The following GCC1 variants were observed in gnomAD, a reference collection of about 807,000 sequenced individuals.
The protein encoded by GCC1 is GRIP and coiled-coil domain containing 1.
Under a neutral mutation model 62.5 loss-of-function variants are expected in GCC1, and 36 were observed. That is an observed-to-expected ratio of 0.58 (90% confidence interval 0.44 to 0.76). The LOEUF (loss-of-function observed/expected upper bound fraction) is 0.76, where lower values mean the gene tolerates loss of function less well. Ranked by LOEUF, GCC1 falls within the 30% of genes least tolerant of loss-of-function variation. GCC1 has a pLI of 0.00. For synonymous variants in GCC1, 391 were observed against 386.8 expected (o/e 1.01, Z -0.13); for missense variants, 885 against 948.3 (o/e 0.93, Z 0.88).
chr7:127,584,211 C>T lies in GCC1; in HGVS notation c.972G>A (p.Gln324=), dbSNP rs201226563. Residue 324 remains glutamine (Q), a synonymous_variant, in exon 1 of 2, where the codon CAG becomes CAA. Coordinates refer to ENST00000321407, the MANE Select transcript of GCC1 (RefSeq NM_024523.6). ...GGCTCTTAAGGCGGGCAGCCTCTTCCTGAAGTTCTTGCAGCCGGGGATCTG... is the reference window on the plus strand; with the variant it reads ...GGCTCTTAAGGCGGGCAGCCTCTTCTTGAAGTTCTTGCAGCCGGGGATCTG... ...NQPDPRLQEL[Q]EEAARLKSHF... The T allele has an allele frequency of 2.5e-6, 4 of 1,613,816 alleles. No individual in the cohort carries two copies. The Admixed American group carries it at 5.0e-5, about 20-fold the overall frequency.
At position 127,584,593 on chromosome 7, in the gene GCC1, A is replaced by G. The variant is rs777111047; in HGVS notation, c.590T>C (p.Leu197Ser). ...LADKKKMKQD[L>S]EDASNKAEEE... ...CTCCGCCTTGTTACTGGCATCCTCT[A>G]AGTCCTGTTTCATCTTTTTCTTGTC... Residue 197 changes from leucine (L) to serine (S), a missense_variant, in exon 1 of 2, where the codon TTA (leucine) becomes TCA (serine). Transcript: ENST00000321407. 8.7e-6 allele frequency: 14 copies of G among 1,613,818 alleles called. No individual in the cohort carries two copies. The highest frequency in any genetic ancestry group is 1.0e-5 in the Non-Finnish European group (12 of 1,180,002).
intron 1 of GCC1, 103 bp from the exon 2 acceptor site, chr7:127,583,412 C>G: frequency 1.1e-6 from 1 of 894,040 alleles, no homozygotes; most frequent in Non-Finnish European, 1.7e-6. Context: ...TTGGGATGGC[C>G]TGGCAAGAAT....
At position 127,582,947 on chromosome 7, in the gene GCC1, C is replaced by T. The variant is rs760571264; in HGVS notation, c.1395G>A (p.Met465Ile). The stretch of plus-strand genomic sequence containing the variant: ...CCCCATCAGCAGCCTCCGAGCTGGG[C>T]ATTATCTCCAGGTCACAGAGCTTCT... ...DVEKLCDLEI[M>I]PSSEAADGEK... Residue 465 changes from methionine to isoleucine, a missense_variant, in exon 2 of 2, where the codon ATG (methionine) becomes ATA (isoleucine). Coordinates refer to ENST00000321407, the MANE Select transcript of GCC1 (RefSeq NM_024523.6). The surrounding 1 kb of genome is among the most constrained non-coding windows in gnomAD (Gnocchi z 4.8). The T allele has an allele frequency of 8.9e-5, 143 of 1,614,188 alleles. No individual in the cohort carries two copies. The Middle Eastern group carries it at 3.1e-3, about 35-fold the overall frequency.
rs1380074724 is a variant in GCC1 at position 127,581,222 on chromosome 7, C to G, written c.*792G>C. ...AGGACTTTATTTCTTAATGAAAGTT[C>G]AACACTGAGGAAAAGATAGCAAAGT... is the stretch of plus-strand genomic sequence containing the variant. On this transcript the variant is annotated 3_prime_UTR_variant, in exon 2 of 2. Transcript: ENST00000321407. 4 of 152,166 alleles carry G rather than the reference C, an allele frequency of 2.6e-5. No homozygotes were observed. The East Asian group carries it at 7.7e-4, about 29-fold the overall frequency. 9.4% of individuals were successfully genotyped at this position (152,166 alleles called of 1,614,324 possible). A position where few individuals can be genotyped will look rare whatever the true frequency, so the allele number is the denominator to read the frequency against.
chr7:127,583,082 G>A lies in GCC1; in HGVS notation c.1260C>T (p.Ser420=). The part of the protein sequence containing the change: ...LAASSRSPLD[S]HGEESSLDVN... Reference sequence around the variant, plus strand: ...CATCCAGACTGGACTCCTCTCCATGGCTGTCTAAAGGGGACCTGCTGGAGG... The same window carrying A: ...CATCCAGACTGGACTCCTCTCCATGACTGTCTAAAGGGGACCTGCTGGAGG... The change falls in exon 2 of 2, where the codon AGC becomes AGT. Residue 420 remains serine (S), a synonymous_variant. Transcript: ENST00000321407. The A allele has an allele frequency of 6.2e-7, 1 of 1,614,038 alleles. No homozygotes were observed. The highest frequency in any genetic ancestry group is 8.5e-7 in the Non-Finnish European group (1 of 1,179,998).
At position 127,583,357 on chromosome 7, in the gene GCC1, G is replaced by A. The variant is rs759784350; in HGVS notation, c.1033-48C>T. On this transcript the variant is annotated intron_variant, in intron 1 of 1. Transcript: ENST00000321407. ...AAAATGCATCCACAAAAGCCCCACA[G>A]CAAACTCTGAGAAAGCAGGAGAGGG... is the stretch of plus-strand genomic sequence containing the variant. 30 of 1,452,124 alleles carry A rather than the reference G, an allele frequency of 2.1e-5. No homozygotes were observed. In the Admixed American group the frequency reaches 5.8e-4, roughly 28 times the overall value. The allele number at this position is 1,452,124 out of a possible 1,614,324, so 90.0% of individuals were successfully genotyped here.
In GCC1 at chr7:127,583,097, C is replaced by T. The variant is rs1357564615; in HGVS notation, c.1245G>A (p.Arg415=). ...CCTCTCCATGGCTGTCTAAAGGGGA[C>T]CTGCTGGAGGCTGCTAGAGCCAGTG... ...NKTLALAASS[R]SPLDSHGEES... is the part of the protein sequence containing the mutation. Residue 415 remains arginine (R), a synonymous_variant, in exon 2 of 2, where the codon AGG becomes AGA. Transcript: ENST00000321407. 5.0e-6 allele frequency: 8 copies of T among 1,613,998 alleles called. No individual in the cohort carries two copies. Among genetic ancestry groups the T allele is most frequent in the African/African-American group, 1.3e-5 (1 of 74,916 alleles).
chr7:127,583,213 G>C lies in GCC1; in HGVS notation c.1129C>G (p.Leu377Val). Residue 377 changes from leucine (L) to valine (V), a missense_variant, in exon 2 of 2, where the codon CTA becomes GTA. Leu to Val is a conservative substitution (Grantham distance 32). Transcript: ENST00000321407. ...ENQISEVSEL[L>V]GTYEKAKQKD... ...TGCTTGGCTTTCTCGTAGGTGCCTA[G>C]CAGCTCAGACACCTCGGATATTTGA... The C allele has an allele frequency of 6.2e-7, 1 of 1,613,822 alleles. No homozygotes were observed. Among genetic ancestry groups the C allele is most frequent in the Non-Finnish European group, 8.5e-7 (1 of 1,179,988 alleles).
At chr7:127,583,739 G>C (rs1222153844) in intron 1 of GCC1, among the ~76,000 whole-genome samples, 1 of 152,214 alleles carries the variant, frequency 6.6e-6, no homozygotes, top group Non-Finnish European at 1.5e-5. Context: ...CACTTCTCCA[G>C]AACAGGCACA....
Position 127,585,080 on chromosome 7 carries a change from G to A in GCC1, c.103C>T (p.Leu35Phe). The change falls in exon 1 of 2, where the codon CTC becomes TTC. Residue 35 changes from leucine (L) to phenylalanine (F), a missense_variant. Transcript: ENST00000321407. Reference protein sequence around the residue: ...KKQLLQYQARLKDVVRAYKSL... With the variant: ...KKQLLQYQARFKDVVRAYKSL... ...TTATAGGCACGGACCACATCCTTGA[G>A]CCGTGCCTGGTACTGGAGAAGCTGC... is the stretch of plus-strand genomic sequence containing the variant. The A allele has an allele frequency of 6.2e-7, 1 of 1,614,140 alleles. No homozygotes were observed.
In GCC1 at chr7:127,581,359, C is replaced by T. The variant is rs571106755; in HGVS notation, c.*655G>A. ...AAAAAGCAGGTTACTTTGGAAATCC[C>T]TAAGATCAAGCTGGTGCTCAGGGCC... On this transcript the variant is annotated 3_prime_UTR_variant, in exon 2 of 2. Coordinates refer to ENST00000321407, the MANE Select transcript of GCC1 (RefSeq NM_024523.6). 1 of 152,360 alleles carries T rather than the reference C, an allele frequency of 6.6e-6. No homozygotes were observed. The highest frequency in any genetic ancestry group is 2.1e-4 in the South Asian group (1 of 4,818). The allele number at this position is 152,360 out of a possible 1,614,324, so 9.4% of individuals were successfully genotyped here. A position where few individuals can be genotyped will look rare whatever the true frequency, so the allele number is the denominator to read the frequency against.
rs140613801 is a variant in GCC1, at chr7:127,582,992, G to A, written c.1350C>T (p.Ser450=). Residue 450 remains serine (S), a synonymous_variant, in exon 2 of 2, where the codon AGC becomes AGT. Coordinates refer to ENST00000321407, the MANE Select transcript of GCC1 (RefSeq NM_024523.6). The surrounding 1 kb of genome is among the most constrained non-coding windows in gnomAD (Gnocchi z 4.8). The part of the protein sequence containing the change: ...KRLLQVAARK[S]QVTLDVEKLC... ...GCTTCTCCACATCCAGGGTCACCTG[G>A]CTTTTCCTGGCCGCAACCTGCAGCA... The A allele has an allele frequency of 1.9e-5, 30 of 1,614,014 alleles. No individual in the cohort carries two copies. The highest frequency in any genetic ancestry group is 2.2e-5 in the Non-Finnish European group (26 of 1,180,036).
Position 127,582,264 on chromosome 7 carries a change from T to C in GCC1, c.2078A>G (p.Glu693Gly), listed in dbSNP as rs73234845. 562 of 1,614,178 alleles carry C rather than the reference T, an allele frequency of 3.5e-4. 1 individual carries two copies. Among genetic ancestry groups the C allele is most frequent in the Non-Finnish European group, 4.6e-4 (541 of 1,180,034 alleles). Residue 693 changes from glutamate to glycine, a missense_variant, in exon 2 of 2, where the codon GAA becomes GGA. Coordinates refer to ENST00000321407, the MANE Select transcript of GCC1 (RefSeq NM_024523.6). This position sits in a 1 kb window ranked among gnomAD's most constrained non-coding sequence, Gnocchi z 4.8. ...GGCTGCAACCTCCTCACGATGCCGT[T>C]CGCCCTCCTCCAGCAGCCGATCCTG... The part of the protein sequence containing the change: ...QLQDRLLEEG[E>G]RHREEVAALQ...
chr7:127,582,674 C>T lies in GCC1; in HGVS notation c.1668G>A (p.Leu556=). 1 of 1,613,864 alleles carries T rather than the reference C, an allele frequency of 6.2e-7. No individual in the cohort carries two copies. Among genetic ancestry groups the T allele is most frequent in the Non-Finnish European group, 8.5e-7 (1 of 1,180,044 alleles). The change falls in exon 2 of 2, where the codon CTG becomes CTA. Residue 556 remains leucine, a synonymous_variant. Transcript: ENST00000321407. The surrounding 1 kb of genome is among the most constrained non-coding windows in gnomAD (Gnocchi z 4.8). ...GCCGGTGGAGCTGCTGCAGCCGGGCCAGCTCCTGCTTCCAGTCATCAGCCT... is the reference window on the plus strand; with the variant it reads ...GCCGGTGGAGCTGCTGCAGCCGGGCTAGCTCCTGCTTCCAGTCATCAGCCT... ...QQEADDWKQE[L]ARLQQLHRQE...
rs1204984203 is a variant in GCC1, at chr7:127,581,709, C to T, written c.*305G>A. 1 of 289,834 alleles carries T rather than the reference C, an allele frequency of 3.5e-6. No homozygotes were observed. The highest frequency in any genetic ancestry group is 7.1e-5 in the East Asian group (1 of 14,168). The allele number at this position is 289,834 out of a possible 1,614,324, so 18.0% of individuals were successfully genotyped here. A position where few individuals can be genotyped will look rare whatever the true frequency, so the allele number is the denominator to read the frequency against. ...CCAGGAGCATATTATTAAAACAAAACATCTTATTTTAAAACAGCCTTACCA... is the reference window on the plus strand; with the variant it reads ...CCAGGAGCATATTATTAAAACAAAATATCTTATTTTAAAACAGCCTTACCA... On this transcript the variant is annotated 3_prime_UTR_variant, in exon 2 of 2. Coordinates refer to ENST00000321407, the MANE Select transcript of GCC1 (RefSeq NM_024523.6).
chr7:127,583,422 T>G lies in GCC1; in HGVS notation c.1033-113A>C, dbSNP rs1390905502. On this transcript the variant is annotated intron_variant, in intron 1 of 1. Coordinates refer to ENST00000321407, the MANE Select transcript of GCC1 (RefSeq NM_024523.6). ...CAGGTTTGGGATGGCCTGGCAAGAA[T>G]GCTAACTAGGGATTTTTCGGTTGAT... 1.3e-5 allele frequency: 10 copies of G among 799,296 alleles called. No homozygotes were observed. In the Admixed American group the frequency reaches 2.6e-4, roughly 21 times the overall value. The allele number at this position is 799,296 out of a possible 1,614,324, so 49.5% of individuals were successfully genotyped here. A position where few individuals can be genotyped will look rare whatever the true frequency, so the allele number is the denominator to read the frequency against.
In GCC1 at chr7:127,584,950, G is replaced by A. The variant is rs1307096639; in HGVS notation, c.233C>T (p.Thr78Ile). The change falls in exon 1 of 2, where the codon ACC (threonine) becomes ATC (isoleucine). Residue 78 changes from threonine (T) to isoleucine (I), a missense_variant. Coordinates refer to ENST00000321407, the MANE Select transcript of GCC1 (RefSeq NM_024523.6). The stretch of plus-strand genomic sequence containing the variant: ...CCGGTCATCCACAGAGTCAGGAAAG[G>A]TGAGGCCTGGAAGCTGGACACCTGC... ...GLAGVQLPGL[T>I]FPDSVDDRCS... 1.2e-6 allele frequency: 2 copies of A among 1,614,168 alleles called. No homozygotes were observed. Among genetic ancestry groups the A allele is most frequent in the East Asian group, 2.2e-5 (1 of 44,866 alleles).
At position 127,585,158 on chromosome 7, in the gene GCC1, C is replaced by T. The variant is rs768218555; in HGVS notation, c.25G>A (p.Gly9Arg). 2.5e-6 allele frequency: 4 copies of T among 1,604,126 alleles called. No individual in the cohort carries two copies. The South Asian group carries it at 3.3e-5, about 13-fold the overall frequency. Residue 9 changes from glycine (G) to arginine (R), a missense_variant, in exon 1 of 2, where the codon GGG (glycine) becomes AGG (arginine). Coordinates refer to ENST00000321407, the MANE Select transcript of GCC1 (RefSeq NM_024523.6). MEKFGMNF[G>R]GGPSKKDLLE... ...AAGTCCTTCTTGCTCGGGCCGCCCC[C>T]GAAATTCATCCCAAACTTCTCCATG...
Position 127,583,032 on chromosome 7 carries a change from T to A in GCC1, c.1310A>T (p.Glu437Val). Residue 437 changes from glutamate (E) to valine (V), a missense_variant, in exon 2 of 2, where the codon GAG becomes GTG. Coordinates refer to ENST00000321407, the MANE Select transcript of GCC1 (RefSeq NM_024523.6). ...LDVNVLKDKM[E>V]KLKRLLQVAA... ...AACCTGCAGCAGCCTCTTCAGCTTC[T>A]CCATCTTATCTTTCAGGACATTGAC... The A allele has an allele frequency of 6.2e-7, 1 of 1,614,164 alleles. No homozygotes were observed.
Sources: gnomAD v4.1 joint callset for allele counts (sites outside exome capture counted in the v4.1 genomes callset) on GRCh38, gnomAD v4.1.1 for gene constraint, Gnocchi (gnomAD v3.1) non-coding constraint, MANE v1.5 for transcripts, NCBI Gene and HGNC (gene_info 2026-07-23, HGNC 2026-07-21) for gene names.